Variants in NDE1 observed in about 807,000 individuals in gnomAD.
NDE1 encodes the protein nudE neurodevelopment protein 1.
NDE1 carries 28 observed loss-of-function variants against 43.4 expected under a neutral mutation model. That is an observed-to-expected ratio of 0.65 (90% CI 0.48 to 0.89). The LOEUF is 0.89. Among genes scored for constraint, NDE1 ranks in the 40% least tolerant of loss-of-function variants. The pLI is 0.00. For missense variants in NDE1, 441 were observed against 434.1 expected, an observed-to-expected ratio of 1.02 and a Z score of -0.14; for synonymous variants, 184 against 172.0, an observed-to-expected ratio of 1.07 and a Z score of -0.55.
chr16:15,663,521 C>T (rs759182944), intron 1 of NDE1, among the ~76,000 whole-genome samples: 5 of 152,052 alleles, frequency 3.3e-5, no homozygotes, highest in Non-Finnish European at 7.4e-5. Flanking sequence ...GGATTACAGG[C>T]GTGAGCCACT....
chr16:15,692,990 A>C (rs2151126897), intron 6 of NDE1, among the ~76,000 whole-genome samples: 1 of 146,226 alleles, frequency 6.8e-6, no homozygotes, highest in South Asian at 2.2e-4. Context: ...TGGGGCCTGA[A>C]ATTTCTTTCT....
At chr16:15,719,851 C>G (rs2040373406) in intron 8 of NDE1, 4 of 1,305,436 alleles carry the variant, frequency 3.1e-6, no homozygotes, top group South Asian at 1.2e-5. Context: ...GAGCATGGCT[C>G]TCAGTTCCAG....
At position 15,721,049 on chromosome 16, in the gene NDE1, G is replaced by A. The variant is rs1449199189; in HGVS notation, c.948-3142G>A. ...CCCGCTTGGACTTCTCCAGCTCATG[G>A]ACCTGCCGGCAGAGCGGGCAGCCCC... On this transcript the variant is annotated intron_variant, in intron 8 of 8. Coordinates refer to ENST00000396354, the MANE Select transcript of NDE1 (RefSeq NM_017668.3). 6.2e-7 allele frequency: 1 copy of A among 1,613,764 alleles called. No individual in the cohort carries two copies. The highest frequency in any genetic ancestry group is 1.7e-5 in the Admixed American group (1 of 59,998).
intron 8 of NDE1, chr16:15,720,772 G>T: frequency 6.7e-7 from 1 of 1,493,130 alleles, no homozygotes; most frequent in Non-Finnish European, 9.3e-7. Flanking sequence ...CACCAACCAT[G>T]AGAGTGGTGA....
At chr16:15,688,448 A>G (rs1055092886) in intron 5 of NDE1, among the ~76,000 whole-genome samples, 5 of 151,744 alleles carry the variant, frequency 3.3e-5, no homozygotes, top group African/African-American at 1.2e-4. Context: ...CAGCCTGGAC[A>G]ACATAGAGAA....
intron 3 of NDE1, 125 bp downstream of exon 3, chr16:15,667,564 G>A (rs1373768044): frequency 1.7e-6 from 2 of 1,205,848 alleles, no homozygotes; most frequent in Non-Finnish European, 2.4e-6. Context: ...CTCATCTCTG[G>A]AAGGGCCTGT....
In NDE1 at chr16:15,667,628, TTTTG is replaced by T. The variant is rs1341995187; in HGVS notation, c.237+193_237+196del. On this transcript the variant is annotated intron_variant, in intron 3 of 8. Transcript: ENST00000396354. ...TGCCTCTAGTGGGTGGTGCTTTTTG[TTTTG>T]TTTTTTTTTTTTTTTTGAGATGGAG... Among the ~76,000 whole-genome samples, 5 of 42,238 alleles carry T rather than the reference TTTTG, an allele frequency of 1.2e-4. No individual in the cohort carries two copies. In the East Asian group the frequency reaches 1.6e-3, roughly 14 times the overall value. The allele number at this position is 42,238 out of a possible 152,430, so 27.7% of individuals were successfully genotyped here.
intron 3 of NDE1, among the ~76,000 whole-genome samples, chr16:15,669,684 G>A (rs952521371): frequency 6.6e-6 from 1 of 150,956 alleles, no homozygotes; most frequent in African/African-American, 2.4e-5. Flanking sequence ...TAGCAAGGAC[G>A]AGGTTTCACC....
At chr16:15,699,636 C>T (rs985144861) in intron 8 of NDE1, 1 of 1,274,520 alleles carries the variant, frequency 7.8e-7, no homozygotes, top group Non-Finnish European at 1.0e-6. Flanking sequence ...GCTCCTGACT[C>T]TTGATGTTCA....
Position 15,687,403 on chromosome 16 carries a change from G to T in NDE1, c.415G>T (p.Glu139Ter). ...CACGATCATGTCTCTCGAAGACTTTGAGCAGCGCTTGAATCAGGCCATCGA... is the reference window on the plus strand; with the variant it reads ...CACGATCATGTCTCTCGAAGACTTTTAGCAGCGCTTGAATCAGGCCATCGA... ...RATIMSLEDF[E>*]QRLNQAIERN... The change falls in exon 5 of 9, where the codon GAG becomes TAG. Residue 139 changes from glutamate to a stop codon, truncating the protein, a stop_gained. Transcript: ENST00000396354. LOFTEE classifies it high-confidence loss of function. 1 of 1,614,192 alleles carries T rather than the reference G, an allele frequency of 6.2e-7. No individual in the cohort carries two copies. The highest frequency in any genetic ancestry group is 1.1e-5 in the South Asian group (1 of 91,068).
rs146749256 is a variant in NDE1 at position 15,687,376 on chromosome 16, G to A, written c.388G>A (p.Ala130Thr). ...TAACTCTGCTTTTCTCTTCGCCAGC[G>A]CCACGATCATGTCTCTCGAAGACTT... ...ANDDLERAKR[A>T]TIMSLEDFEQ... Residue 130 changes from alanine (A) to threonine (T), a missense_variant and splice_region_variant, in exon 5 of 9, where the codon GCC (alanine) becomes ACC (threonine). Transcript: ENST00000396354. 2.2e-5 allele frequency: 35 copies of A among 1,614,002 alleles called. No individual in the cohort carries two copies. In the Admixed American group the frequency reaches 2.3e-4, roughly 11 times the overall value.
intron 3 of NDE1, among the ~76,000 whole-genome samples, chr16:15,672,983 G>C (rs1424798118): frequency 6.6e-6 from 1 of 152,122 alleles, no homozygotes; most frequent in Non-Finnish European, 1.5e-5. Context: ...TAAATCATCT[G>C]TTTGTTCTTT....
chr16:15,651,023 G>C (rs796552675), intron 1 of NDE1, among the ~76,000 whole-genome samples: 2 of 152,186 alleles, frequency 1.3e-5, no homozygotes. Context: ...CAGCTTGAGT[G>C]ATGGCTGGGC....
chr16:15,660,640 C>A (rs1353248485), intron 1 of NDE1, among the ~76,000 whole-genome samples: 1 of 152,126 alleles, frequency 6.6e-6, no homozygotes, highest in African/African-American at 2.4e-5. Context: ...CCCAGTTACT[C>A]CTGCACTCAG....
chr16:15,717,287 G>A lies in NDE1; in HGVS notation c.948-6904G>A, dbSNP rs1567687948. 6.2e-7 allele frequency: 1 copy of A among 1,613,378 alleles called. No individual in the cohort carries two copies. Among genetic ancestry groups the A allele is most frequent in the Non-Finnish European group, 8.5e-7 (1 of 1,180,040 alleles). On this transcript the variant is annotated intron_variant, in intron 8 of 8. Transcript: ENST00000396354. ...GTTCTGCCGCTCGAGCTGCTGCCGG[G>A]CACTCTCATTCTTCTGGGCCGTGCT...
In NDE1 at chr16:15,724,689, G is replaced by A. The variant is rs370519992; in HGVS notation, c.*438G>A. 6 of 1,614,052 alleles carry A rather than the reference G, an allele frequency of 3.7e-6. No homozygotes were observed. The highest frequency in any genetic ancestry group is 5.1e-6 in the Non-Finnish European group (6 of 1,180,026). The stretch of plus-strand genomic sequence containing the variant: ...AGATGTGGCGCTCCAGGTTCTGCTT[G>A]GCCTCCATCTCCTCGTCCAGCTGGT... On this transcript the variant is annotated 3_prime_UTR_variant, in exon 9 of 9. Coordinates refer to ENST00000396354, the MANE Select transcript of NDE1 (RefSeq NM_017668.3).
intron 1 of NDE1, among the ~76,000 whole-genome samples, chr16:15,662,641 A>G (rs1194559154): frequency 2.0e-5 from 3 of 152,014 alleles, no homozygotes; most frequent in Admixed American, 6.6e-5. Context: ...CAGTGGCACT[A>G]TCTTGGCTCA....
chr16:15,690,353 CTTTTTTTTTTTTTTTTTT>C (rs869069843), intron 5 of NDE1, among the ~76,000 whole-genome samples: 1 of 80,950 alleles, frequency 1.2e-5, no homozygotes, highest in Non-Finnish European at 2.2e-5. Context: ...TTTTTTTTTT[CTTTTTTTTTTTTTTTTTT>C]TTTTTTTTTT....
chr16:15,688,998 CAATT>C (rs1337809660), intron 5 of NDE1, among the ~76,000 whole-genome samples: 2 of 151,992 alleles, frequency 1.3e-5, no homozygotes, highest in South Asian at 2.1e-4. Context: ...GTTGCTGGCC[CAATT>C]AATTATTTAT....
Sources: gnomAD v4.1 joint callset for allele counts (sites outside exome capture counted in the v4.1 genomes callset) on GRCh38, gnomAD v4.1.1 for gene constraint, MANE v1.5 for transcripts, NCBI Gene and HGNC (gene_info 2026-07-23, HGNC 2026-07-21) for gene names.